SAMMSON: variants seen among roughly 807,000 people sequenced by gnomAD.
SAMMSON encodes the protein long intergenic non-protein coding RNA 1212.
At position 70,255,627 on chromosome 3, in the gene SAMMSON, A is replaced by AT. The variant is rs1472913553; in HGVS notation, n.674+5966dup. Among the ~76,000 whole-genome samples, 9 of 150,682 alleles carry AT rather than the reference A, an allele frequency of 6.0e-5. No individual in the cohort carries two copies. The East Asian group carries it at 1.4e-3, about 23-fold the overall frequency. On this transcript the variant is annotated intron_variant and non_coding_transcript_variant, in intron 6 of 9. Transcript: ENST00000642114. ...CAGGCATGCACCACCAAGCCTGGCT[A>AT]TTTTTTTTTCCTGTGGAGGTGGGGT...
chr3:70,133,563 G>C (rs952997033), intron 4 of SAMMSON, among the ~76,000 whole-genome samples: 6 of 152,122 alleles, frequency 3.9e-5, no homozygotes, highest in African/African-American at 1.4e-4. Flanking sequence ...TTTATAGCTG[G>C]TGAGTTAGAA....
intron 3 of SAMMSON, among the ~76,000 whole-genome samples, chr3:70,061,039 G>T (rs942495245): frequency 6.6e-6 from 1 of 152,076 alleles, no homozygotes; most frequent in Non-Finnish European, 1.5e-5. Context: ...GGAGGAAAAA[G>T]GATGTATGCC....
At chr3:70,067,302 C>T (rs952236396) in intron 3 of SAMMSON, among the ~76,000 whole-genome samples, 1 of 151,914 alleles carries the variant, frequency 6.6e-6, no homozygotes, top group African/African-American at 2.4e-5. Flanking sequence ...TACTATGGGA[C>T]ATTTAAGTAA....
At chr3:70,152,604 G>A (rs958077472) in intron 4 of SAMMSON, among the ~76,000 whole-genome samples, 4 of 151,964 alleles carry the variant, frequency 2.6e-5, no homozygotes, top group Non-Finnish European at 5.9e-5. Flanking sequence ...AAAGTGGGTG[G>A]CAATGGACTA....
intron 9 of SAMMSON, among the ~76,000 whole-genome samples, chr3:70,365,303 G>A (rs1489316030): frequency 2.6e-5 from 4 of 151,112 alleles, no homozygotes; most frequent in Non-Finnish European, 5.9e-5. Flanking sequence ...TGCCATTGGA[G>A]TGTGTATATA....
At chr3:70,307,772 G>T (rs550882500) in intron 7 of SAMMSON, among the ~76,000 whole-genome samples, 4 of 152,042 alleles carry the variant, frequency 2.6e-5, no homozygotes, top group Non-Finnish European at 5.9e-5. Context: ...TTGTCCTCAG[G>T]CCTCCAGTGA....
At chr3:70,274,078 T>TGG (rs754403100) in intron 6 of SAMMSON, among the ~76,000 whole-genome samples, 4 of 149,102 alleles carry the variant, frequency 2.7e-5, no homozygotes, top group African/African-American at 9.9e-5. Flanking sequence ...TGTGTGTGTG[T>TGG]GTGTGTGTGT....
chr3:70,259,284 C>G (rs766608170), intron 6 of SAMMSON, among the ~76,000 whole-genome samples: 1 of 152,028 alleles, frequency 6.6e-6, no homozygotes, highest in Non-Finnish European at 1.5e-5. Flanking sequence ...TGGGAGAAAA[C>G]TGACATTTAT....
chr3:70,412,288 CAT>C (rs1034554085), intron 2 of SAMMSON, among the ~76,000 whole-genome samples: 1 of 152,148 alleles, frequency 6.6e-6, no homozygotes, highest in Non-Finnish European at 1.5e-5. Context: ...AGTATAAGCA[CAT>C]GAGGCCAACA....
chr3:70,105,175 T>G (rs1298475381), intron 4 of SAMMSON, among the ~76,000 whole-genome samples: 2 of 152,158 alleles, frequency 1.3e-5, no homozygotes. Context: ...TATAGGAAAG[T>G]AATCTTTCCA....
At chr3:70,326,775 A>G (rs1355509530) in intron 7 of SAMMSON, among the ~76,000 whole-genome samples, 1 of 152,178 alleles carries the variant, frequency 6.6e-6, no homozygotes, top group Non-Finnish European at 1.5e-5. Flanking sequence ...GAATTACATG[A>G]TGATAGCAAG....
chr3:70,195,362 G>A (rs144278172), intron 4 of SAMMSON, among the ~76,000 whole-genome samples: 5 of 152,308 alleles, frequency 3.3e-5, no homozygotes, highest in Admixed American at 1.3e-4. Context: ...CATCAAACAG[G>A]AATGAAATCA....
At chr3:70,177,325 TAATCTG>T (rs1214134080) in intron 4 of SAMMSON, among the ~76,000 whole-genome samples, 2 of 152,232 alleles carry the variant, frequency 1.3e-5, no homozygotes, top group African/African-American at 4.8e-5. Flanking sequence ...CCATTCATAA[TAATCTG>T]TTCAATCAAT....
chr3:70,374,605 G>C (rs573821934), intron 9 of SAMMSON, among the ~76,000 whole-genome samples: 25 of 152,196 alleles, frequency 1.6e-4, no homozygotes, highest in Admixed American at 4.6e-4. Flanking sequence ...AAGGTGTCTA[G>C]TTACTGATCT....
At chr3:70,169,574 T>C (rs2067653217) in intron 4 of SAMMSON, among the ~76,000 whole-genome samples, 1 of 151,952 alleles carries the variant, frequency 6.6e-6, no homozygotes. Flanking sequence ...CGAAGGTTCC[T>C]TGCTTTCAAA....
intron 4 of SAMMSON, among the ~76,000 whole-genome samples, chr3:70,189,242 G>T (rs553383307): frequency 6.6e-6 from 1 of 152,124 alleles, no homozygotes; most frequent in Non-Finnish European, 1.5e-5. Flanking sequence ...GATGGTATTA[G>T]TTATAAAATT....
chr3:70,383,305 G>A (rs1703089023), intron 9 of SAMMSON, among the ~76,000 whole-genome samples: 1 of 150,106 alleles, frequency 6.7e-6, no homozygotes, highest in Admixed American at 6.7e-5. Context: ...TTGGTTAAAA[G>A]TGTAGGTATA....
intron 8 of SAMMSON, among the ~76,000 whole-genome samples, chr3:70,354,831 G>C (rs553674164): frequency 2.2e-4 from 34 of 152,230 alleles, no homozygotes; most frequent in Middle Eastern, 6.8e-3. Context: ...CCTTCACTGG[G>C]CATCAGACAT....
At chr3:70,289,780 A>G (rs1302027711) in intron 6 of SAMMSON, among the ~76,000 whole-genome samples, 1 of 151,654 alleles carries the variant, frequency 6.6e-6, no homozygotes, top group Non-Finnish European at 1.5e-5. Flanking sequence ...TTTTTCTCTA[A>G]ACTTTCCTTC....
Sources: allele counts gnomAD v4.1 joint callset (sites outside exome capture counted in the v4.1 genomes callset), GRCh38; gene constraint gnomAD v4.1.1; transcripts MANE v1.5; gene names NCBI Gene and HGNC (gene_info 2026-07-23, HGNC 2026-07-21).